CNKSR2: variants seen among roughly 807,000 people sequenced by gnomAD.
CNKSR2 encodes CNK homolog protein 2.
CNKSR2 carries 14 observed loss-of-function variants against 84.4 expected under a neutral mutation model. The ratio of observed to expected loss-of-function variants is 0.17; its 90% CI spans 0.11 to 0.26. The LOEUF (loss-of-function observed/expected upper bound fraction) is 0.26, where lower values mean the gene tolerates loss of function less well. Ranked by LOEUF, CNKSR2 falls within the 10% of genes least tolerant of loss-of-function variation. The pLI is 1.00. For missense variants in CNKSR2, 485 were observed against 771.2 expected (o/e 0.63, Z 4.40); for synonymous variants, 275 against 277.9 (o/e 0.99, Z 0.10).
intron 1 of CNKSR2, among the ~76,000 whole-genome samples, chrX:21,413,189 T>C (rs1362870444): frequency 8.9e-6 from 1 of 111,845 alleles, no homozygotes; most frequent in Non-Finnish European, 1.9e-5. Flanking sequence ...GAATGGCTTA[T>C]TTCACTTAGC....
chrX:21,560,611 A>G (rs944344150), intron 11 of CNKSR2, among the ~76,000 whole-genome samples: 2 of 111,296 alleles, frequency 1.8e-5, no homozygotes, highest in African/African-American at 6.5e-5. Flanking sequence ...TTCACTAGAA[A>G]TTTATTAAGC....
intron 1 of CNKSR2, among the ~76,000 whole-genome samples, chrX:21,390,576 TCCAC>T (rs1202753070): frequency 1.8e-5 from 2 of 110,706 alleles, no homozygotes; most frequent in Non-Finnish European, 3.8e-5. Context: ...AAGGGGGAAA[TCCAC>T]CCCCATGAGC....
chrX:21,568,339 G>A (rs2092257624), intron 13 of CNKSR2, among the ~76,000 whole-genome samples: 1 of 111,698 alleles, frequency 9.0e-6, no homozygotes, highest in African/African-American at 3.3e-5. Flanking sequence ...TCTACATGCT[G>A]AGATGCCAGA....
chrX:21,557,974 T>C (rs1426434399), intron 11 of CNKSR2, among the ~76,000 whole-genome samples: 2 of 111,657 alleles, frequency 1.8e-5, no homozygotes, highest in Non-Finnish European at 3.8e-5. Flanking sequence ...TTTGCATGTA[T>C]TAATAATAGC....
chrX:21,470,660 A>T, intron 4 of CNKSR2, 106 bp from the exon 5 acceptor site: 1 of 377,817 alleles, frequency 2.6e-6, no homozygotes, highest in Non-Finnish European at 4.5e-6. Context: ...TATTGCTTTT[A>T]CTTGAATTGT....
intron 9 of CNKSR2, among the ~76,000 whole-genome samples, chrX:21,520,456 T>C (rs1377919211): frequency 2.0e-5 from 2 of 101,708 alleles, no homozygotes; most frequent in Non-Finnish European, 3.9e-5. Flanking sequence ...TGATTGCTTA[T>C]CATCAATTTC....
At chrX:21,455,793 C>T (rs2090988277) in intron 4 of CNKSR2, among the ~76,000 whole-genome samples, 1 of 112,226 alleles carries the variant, frequency 8.9e-6, no homozygotes, top group Non-Finnish European at 1.9e-5. Flanking sequence ...TCTTGCTTTA[C>T]AATTCATATT....
intron 4 of CNKSR2, among the ~76,000 whole-genome samples, chrX:21,446,697 C>T (rs2090860251): frequency 1.8e-5 from 2 of 110,873 alleles, no homozygotes; most frequent in African/African-American, 3.3e-5. Context: ...GTCGCCCTGC[C>T]AAAGCGCTTT....
intron 1 of CNKSR2, among the ~76,000 whole-genome samples, chrX:21,403,629 C>T (rs940467275): frequency 9.0e-6 from 1 of 111,357 alleles, no homozygotes; most frequent in Non-Finnish European, 1.9e-5. Flanking sequence ...TATAGAAACC[C>T]ACAAAAGTTA....
chrX:21,646,461 T>C (rs2092707296), intron 20 of CNKSR2, among the ~76,000 whole-genome samples: 1 of 112,109 alleles, frequency 8.9e-6, no homozygotes, highest in South Asian at 3.7e-4. Context: ...ATTGAAATTT[T>C]ATAAAATCAG....
At position 21,563,567 on chromosome X, in the gene CNKSR2, C is replaced by A. The variant is rs1033267258; in HGVS notation, c.1608+115C>A. On this transcript the variant is annotated intron_variant, in intron 13 of 21. Transcript: ENST00000379510. ...CTTTTACTAGATTTTCACAAAAGAG[C>A]CTAACTTTAAAGTTTATGCCCTTAA... The A allele has an allele frequency of 9.2e-6, 5 of 546,134 alleles. No homozygotes were observed. The Admixed American group carries it at 1.7e-4, about 18-fold the overall frequency. 45.0% of individuals were successfully genotyped at this position (546,134 alleles called of 1,213,427 possible).
At chrX:21,412,859 C>T (rs1315946401) in intron 1 of CNKSR2, among the ~76,000 whole-genome samples, 1 of 111,635 alleles carries the variant, frequency 9.0e-6, no homozygotes. Context: ...ATATAGATAA[C>T]ATAAAATTTG....
At chrX:21,568,657 A>T (rs377614046) in intron 13 of CNKSR2, among the ~76,000 whole-genome samples, 15 of 111,391 alleles carry the variant, frequency 1.3e-4, no homozygotes, top group African/African-American at 4.2e-4. Context: ...ATTTTTTTTT[A>T]ATTTAGCAAG....
chrX:21,519,332 A>G (rs1212223144), intron 9 of CNKSR2, among the ~76,000 whole-genome samples: 1 of 111,478 alleles, frequency 9.0e-6, no homozygotes, highest in Non-Finnish European at 1.9e-5. Context: ...GGGTGAAGGT[A>G]CACTGCCTCC....
At chrX:21,627,595 G>A (rs898599126) in intron 20 of CNKSR2, among the ~76,000 whole-genome samples, 4 of 112,195 alleles carry the variant, frequency 3.6e-5, no homozygotes, top group African/African-American at 1.3e-4. Context: ...GGCAGAAGGC[G>A]AGGAGGAGCA....
chrX:21,613,104 A>G (rs941943421), intron 20 of CNKSR2, among the ~76,000 whole-genome samples: 7 of 112,373 alleles, frequency 6.2e-5, no homozygotes, highest in African/African-American at 2.3e-4. Flanking sequence ...CTTACCTGGT[A>G]TGGACATTAT....
At chrX:21,543,969 G>C (rs1170883070) in intron 11 of CNKSR2, among the ~76,000 whole-genome samples, 2 of 111,071 alleles carry the variant, frequency 1.8e-5, no homozygotes, top group African/African-American at 6.6e-5. Flanking sequence ...TTACAGGCGT[G>C]CATCACCACG....
intron 20 of CNKSR2, among the ~76,000 whole-genome samples, chrX:21,617,313 AG>A (rs1432267047): frequency 9.0e-6 from 1 of 111,456 alleles, no homozygotes; most frequent in Non-Finnish European, 1.9e-5. Flanking sequence ...AGAAGGCCGA[AG>A]GTCACAAATG....
intron 8 of CNKSR2, chrX:21,506,288 C>G (rs2091611494): frequency 9.0e-6 from 1 of 111,368 alleles, no homozygotes; most frequent in African/African-American, 3.3e-5. Context: ...GAATCATTCT[C>G]TTTTGGGAGG....
Sources: allele counts gnomAD v4.1 joint callset (sites outside exome capture counted in the v4.1 genomes callset), GRCh38; gene constraint gnomAD v4.1.1; transcripts MANE v1.5; gene names NCBI Gene and HGNC (gene_info 2026-07-23, HGNC 2026-07-21).